The following DNAH6 variants were observed in gnomAD, a reference collection of about 807,000 sequenced individuals.
DNAH6 encodes the protein dynein axonemal heavy chain 6.
A neutral mutation model predicts 491.4 loss-of-function variants in DNAH6; 340 were observed. The observed-to-expected ratio is 0.69, with a 90% CI of 0.63 to 0.76. DNAH6 has a LOEUF of 0.76. Ranked by LOEUF, DNAH6 falls within the 30% of genes least tolerant of loss-of-function variation. DNAH6 has a pLI of 0.00. For missense variants in DNAH6, 4,443 were observed against 4,972.2 expected, an observed-to-expected ratio of 0.89 and a Z score of 3.20; for synonymous variants, 1,603 against 1,686.1, an observed-to-expected ratio of 0.95 and a Z score of 1.21.
chr2:84,794,281 T>A (rs545132873), intron 68 of DNAH6, among the ~76,000 whole-genome samples: 1 of 152,184 alleles, frequency 6.6e-6, no homozygotes, highest in African/African-American at 2.4e-5. Context: ...GGACTTCATG[T>A]CTAAAACACC....
chr2:84,774,559 T>A (rs1386349224), intron 64 of DNAH6, among the ~76,000 whole-genome samples: 6 of 152,092 alleles, frequency 3.9e-5, no homozygotes, highest in African/African-American at 1.2e-4. Flanking sequence ...CTTTTTTGGT[T>A]ATATATGAAT....
At chr2:84,808,623 C>A in intron 72 of DNAH6, 81 bp downstream of exon 72, 1 of 1,410,032 alleles carries the variant, frequency 7.1e-7, no homozygotes, top group Non-Finnish European at 9.7e-7. Context: ...CTTCCATTCC[C>A]ATCACTTCAG....
chr2:84,808,131 A>ATATGTG (rs369348036), intron 71 of DNAH6, among the ~76,000 whole-genome samples: 8,421 of 141,142 alleles, frequency 0.06, 239 homozygotes, highest in Non-Finnish European at 0.072. Context: ...GTGTATATAT[A>ATATGTG]TGTGTGTGTG....
At chr2:84,615,912 CTT>C (rs1366251716) in intron 22 of DNAH6, among the ~76,000 whole-genome samples, 1 of 151,930 alleles carries the variant, frequency 6.6e-6, no homozygotes, top group Non-Finnish European at 1.5e-5. Flanking sequence ...TATCCTGAAA[CTT>C]TGCTGAATTC....
chr2:84,486,191 C>T, the DNAH6 span, among the ~76,000 whole-genome samples: 1 of 152,140 alleles, frequency 6.6e-6, no homozygotes, highest in Non-Finnish European at 1.5e-5. Flanking sequence ...TCATGAAAAA[C>T]ATTAGTTTAT....
chr2:84,733,841 A>G (rs942617195), intron 62 of DNAH6, among the ~76,000 whole-genome samples: 2 of 151,944 alleles, frequency 1.3e-5, no homozygotes, highest in South Asian at 2.1e-4. Context: ...ATGTAAATAT[A>G]CATTTGTGTA....
chr2:84,695,825 A>C (rs1695328369), intron 46 of DNAH6, among the ~76,000 whole-genome samples: 1 of 152,078 alleles, frequency 6.6e-6, no homozygotes, highest in Non-Finnish European at 1.5e-5. Flanking sequence ...TAAAAATCAA[A>C]CAAGTTATGT....
intron 61 of DNAH6, 54 bp downstream of exon 61, chr2:84,727,956 C>A: frequency 8.8e-7 from 1 of 1,132,434 alleles, no homozygotes; most frequent in Non-Finnish European, 1.3e-6. Flanking sequence ...TGTCCCCACC[C>A]AAATCTCATT....
chr2:84,512,077 G>A (rs145793319), upstream of DNAH6, among the ~76,000 whole-genome samples: 255 of 152,106 alleles, frequency 1.7e-3, no homozygotes, highest in Middle Eastern at 3.4e-3. Context: ...TGTTTTTTTG[G>A]GGGGTGGGAC....
intron 58 of DNAH6, among the ~76,000 whole-genome samples, chr2:84,715,910 C>A (rs1489436674): frequency 6.6e-6 from 1 of 152,088 alleles, no homozygotes; most frequent in Non-Finnish European, 1.5e-5. Context: ...TGCCTCTTCC[C>A]TTCACTATGA....
chr2:84,461,944 A>AAAGACTAG, the DNAH6 span, among the ~76,000 whole-genome samples: 1 of 152,302 alleles, frequency 6.6e-6, no homozygotes, highest in South Asian at 2.1e-4. Context: ...CAGATAAGCA[A>AAAGACTAG]AAGACTAGAA....
At position 84,775,228 on chromosome 2, in the gene DNAH6, G is replaced by C. The variant is rs1435073307; in HGVS notation, c.10704-6265G>C. On this transcript the variant is annotated intron_variant, in intron 64 of 76. Transcript: ENST00000389394. ...ATAATTTTTGTCATGAAGAAATGTT[G>C]GATTTTATCAAAAGCATTTTCTGTG... 2.0e-5 allele frequency among the ~76,000 whole-genome samples: 3 copies of C among 151,940 alleles called. No individual in the cohort carries two copies. The East Asian group carries it at 5.8e-4, about 29-fold the overall frequency.
At chr2:84,601,199 G>A (rs574606183) in intron 18 of DNAH6, among the ~76,000 whole-genome samples, 2 of 148,240 alleles carry the variant, frequency 1.3e-5, no homozygotes, top group South Asian at 2.2e-4. Context: ...TATCAAAAGG[G>A]CAAGGAAGAC....
chr2:84,507,375 A>G, the DNAH6 span, among the ~76,000 whole-genome samples: 3 of 152,140 alleles, frequency 2.0e-5, no homozygotes, highest in African/African-American at 4.8e-5. Context: ...TTTGTCTGTT[A>G]TTGGTGTATA....
intron 35 of DNAH6, among the ~76,000 whole-genome samples, chr2:84,656,437 T>A (rs1178806154): frequency 2.0e-5 from 3 of 152,136 alleles, no homozygotes; most frequent in African/African-American, 7.2e-5. Context: ...GTTGTTCACA[T>A]CCTTGCCAGC....
chr2:84,762,699 A>T, intron 63 of DNAH6, 56 bp from the exon 64 acceptor site: 3 of 1,328,898 alleles, frequency 2.3e-6, no homozygotes, highest in Non-Finnish European at 3.1e-6. Context: ...GAAAATTAGG[A>T]TAAAATTATG....
intron 60 of DNAH6, among the ~76,000 whole-genome samples, chr2:84,725,465 C>G (rs1262463836): frequency 1.3e-5 from 2 of 152,206 alleles, no homozygotes; most frequent in African/African-American, 2.4e-5. Context: ...TCTTATATCT[C>G]TGCTCCCTTC....
At chr2:84,769,989 G>C (rs887469967) in intron 64 of DNAH6, among the ~76,000 whole-genome samples, 15 of 152,146 alleles carry the variant, frequency 9.9e-5, no homozygotes, top group Non-Finnish European at 2.1e-4. Context: ...AGGAAGTGAA[G>C]GCTAATGCAG....
intron 22 of DNAH6, among the ~76,000 whole-genome samples, chr2:84,614,524 C>A (rs1686654255): frequency 1.3e-5 from 2 of 151,948 alleles, no homozygotes; most frequent in African/African-American, 4.8e-5. Context: ...TATATAATGA[C>A]TTCTTTTCTT....
Sources: gnomAD v4.1 joint callset for allele counts (sites outside exome capture counted in the v4.1 genomes callset) on GRCh38, gnomAD v4.1.1 for gene constraint, MANE v1.5 for transcripts, NCBI Gene and HGNC (gene_info 2026-07-23, HGNC 2026-07-21) for gene names.